Variants in ARSG observed in about 807,000 individuals in gnomAD.
ARSG encodes the protein ASG.
Under a neutral mutation model 50.5 loss-of-function variants are expected in ARSG, and 37 were observed. The ratio of observed to expected loss-of-function variants is 0.73; its 90% CI spans 0.56 to 0.96. The LOEUF is 0.96. Ranked by LOEUF, ARSG falls within the 50% of genes least tolerant of loss-of-function variation. ARSG has a pLI of 0.00. For missense variants in ARSG, 629 were observed against 675.3 expected, an observed-to-expected ratio of 0.93 and a Z score of 0.76; for synonymous variants, 225 against 254.6, an observed-to-expected ratio of 0.88 and a Z score of 1.11.
At chr17:68,329,466 C>G (rs1451194358) in intron 2 of ARSG, among the ~76,000 whole-genome samples, 1 of 152,192 alleles carries the variant, frequency 6.6e-6, no homozygotes. Context: ...TTCCGTGGAG[C>G]TGGGCGGGTA....
intron 2 of ARSG, among the ~76,000 whole-genome samples, chr17:68,339,115 T>C (rs1356293220): frequency 6.6e-6 from 1 of 151,890 alleles, no homozygotes. Flanking sequence ...AAGTGATATA[T>C]ACATAAGATA....
In ARSG at chr17:68,313,835, C is replaced by T. The variant is rs1555767603; in HGVS notation, c.218+6124C>T. On this transcript the variant is annotated intron_variant, in intron 2 of 11. Coordinates refer to ENST00000621439, the MANE Select transcript of ARSG (RefSeq NM_001267727.2). ...CTGGAATTACAGGCACCTGCCACTACGCACGGCTGATTTTTGTATTTTTAG... is the reference window on the plus strand; with the variant it reads ...CTGGAATTACAGGCACCTGCCACTATGCACGGCTGATTTTTGTATTTTTAG... Among the ~76,000 whole-genome samples, 12 of 152,164 alleles carry T rather than the reference C, an allele frequency of 7.9e-5. No individual in the cohort carries two copies. In the South Asian group the frequency reaches 2.1e-3, roughly 26 times the overall value.
chr17:68,353,940 G>A (rs2078914243), intron 5 of ARSG, among the ~76,000 whole-genome samples: 2 of 151,410 alleles, frequency 1.3e-5, no homozygotes, highest in Admixed American at 1.3e-4. Flanking sequence ...GACCTCAAGT[G>A]ATCTGCCTAC....
intron 2 of ARSG, among the ~76,000 whole-genome samples, chr17:68,336,469 C>G (rs2078025946): frequency 6.6e-6 from 1 of 152,078 alleles, no homozygotes; most frequent in Non-Finnish European, 1.5e-5. Flanking sequence ...CTTGGCCTCC[C>G]AAAATGCTGG....
intron 6 of ARSG, among the ~76,000 whole-genome samples, chr17:68,368,168 T>G (rs545371597): frequency 2.5e-4 from 38 of 152,160 alleles, no homozygotes; most frequent in Non-Finnish European, 4.9e-4. Context: ...GCCTTAGACT[T>G]TACAGTGTGG....
At chr17:68,363,561 A>G (rs1172360371) in intron 6 of ARSG, among the ~76,000 whole-genome samples, 2 of 152,046 alleles carry the variant, frequency 1.3e-5, no homozygotes, top group Non-Finnish European at 2.9e-5. Context: ...TCTGCCTCCC[A>G]GGTTCAAGCA....
At position 68,359,149 on chromosome 17, in the gene ARSG, T is replaced by C. The variant is rs144448241; in HGVS notation, c.704+2345T>C. On this transcript the variant is annotated intron_variant, in intron 6 of 11. Coordinates refer to ENST00000621439, the MANE Select transcript of ARSG (RefSeq NM_001267727.2). The stretch of plus-strand genomic sequence containing the variant: ...CTGCACTCCAGCCTGGGCGACAGTG[T>C]GAGACTCCATCTCAAAACGACAACA... Among the ~76,000 whole-genome samples, 855 of 152,100 alleles carry C rather than the reference T, an allele frequency of 5.6e-3. 9 individuals carry two copies. The highest frequency in any genetic ancestry group is 0.02 in the African/African-American group (811 of 41,496).
chr17:68,441,634 G>C, the ARSG span, among the ~76,000 whole-genome samples: 1 of 152,190 alleles, frequency 6.6e-6, no homozygotes, highest in Non-Finnish European at 1.5e-5. Context: ...CCTGTGCAAG[G>C]CTGTCCTATG....
At chr17:68,311,800 C>T (rs1555766842) in intron 2 of ARSG, among the ~76,000 whole-genome samples, 8 of 116,366 alleles carry the variant, frequency 6.9e-5, no homozygotes, top group East Asian at 2.4e-4. Flanking sequence ...CTGTACTGTA[C>T]TTTTTTTTTT....
intron 1 of ARSG, among the ~76,000 whole-genome samples, chr17:68,280,971 G>T (rs1262182181): frequency 6.6e-6 from 1 of 151,700 alleles, no homozygotes; most frequent in African/African-American, 2.4e-5. Context: ...CTGAAAATAC[G>T]AAAAATTAAC....
chr17:68,415,290 T>C (rs58459647), intron 11 of ARSG, among the ~76,000 whole-genome samples: 2,929 of 152,290 alleles, frequency 0.019, 103 homozygotes, highest in African/African-American at 0.066. Flanking sequence ...AATGATCATT[T>C]AGGAGCAGGT....
intron 11 of ARSG, among the ~76,000 whole-genome samples, chr17:68,407,043 TG>T (rs2081756682): frequency 6.6e-6 from 1 of 152,248 alleles, no homozygotes; most frequent in South Asian, 2.1e-4. Context: ...AGTTGATTTT[TG>T]TATAAGGTGA....
At chr17:68,283,033 G>A (rs1263531085) in intron 1 of ARSG, 1 of 152,230 alleles carries the variant, frequency 6.6e-6, no homozygotes, top group Admixed American at 6.6e-5. Context: ...GAGGTGGGAG[G>A]ATTGCTTGAG....
At chr17:68,406,315 AT>A (rs1002087979) in intron 11 of ARSG, among the ~76,000 whole-genome samples, 6 of 152,134 alleles carry the variant, frequency 3.9e-5, no homozygotes, top group African/African-American at 1.4e-4. Context: ...CTGGTTCCAC[AT>A]TTTTGCAATT....
At chr17:68,419,055 C>G (rs2082581536) in intron 11 of ARSG, among the ~76,000 whole-genome samples, 1 of 150,014 alleles carries the variant, frequency 6.7e-6, no homozygotes, top group African/African-American at 2.5e-5. Flanking sequence ...TCATAAAGAG[C>G]CAAGGAAGCT....
At chr17:68,437,734 A>G in the ARSG span, among the ~76,000 whole-genome samples, 8 of 152,080 alleles carry the variant, frequency 5.3e-5, no homozygotes, top group Admixed American at 2.6e-4. Flanking sequence ...CTTCAATAAT[A>G]TTCCGGAAGA....
chr17:68,444,627 C>A, the ARSG span: 1 of 1,561,824 alleles, frequency 6.4e-7, no homozygotes, highest in South Asian at 1.1e-5. Flanking sequence ...CCGAACCGTT[C>A]CTTACAAAGA....
At chr17:68,335,176 T>G (rs1056595690) in intron 2 of ARSG, among the ~76,000 whole-genome samples, 9 of 152,116 alleles carry the variant, frequency 5.9e-5, no homozygotes, top group African/African-American at 2.2e-4. Context: ...TTTAAATATT[T>G]TGTAGAGACG....
At chr17:68,312,632 AGT>A (rs1405859189) in intron 2 of ARSG, among the ~76,000 whole-genome samples, 1 of 152,050 alleles carries the variant, frequency 6.6e-6, no homozygotes. Flanking sequence ...CCCTTATGAA[AGT>A]GTTTCTTTCC....
Sources: allele counts gnomAD v4.1 joint callset (sites outside exome capture counted in the v4.1 genomes callset), GRCh38; gene constraint gnomAD v4.1.1; transcripts MANE v1.5; gene names NCBI Gene and HGNC (gene_info 2026-07-23, HGNC 2026-07-21).